TAF3: variants seen among roughly 807,000 people sequenced by gnomAD.
TAF3 encodes the protein TATA-box binding protein associated factor 3, also known as transcription initiation factor TFIID subunit 3.
A neutral mutation model predicts 80.6 loss-of-function variants in TAF3; 7 were observed. The ratio of observed to expected loss-of-function variants is 0.09; its 90% CI spans 0.05 to 0.16. TAF3 has a LOEUF of 0.16. Ranked by LOEUF, TAF3 falls within the 10% of genes least tolerant of loss-of-function variation. TAF3 has a pLI of 1.00. For missense variants in TAF3, 921 were observed against 1,140.2 expected, an observed-to-expected ratio of 0.81 and a Z score of 2.77; for synonymous variants, 444 against 446.1, an observed-to-expected ratio of 1.00 and a Z score of 0.06.
intron 2 of TAF3, among the ~76,000 whole-genome samples, chr10:7,886,467 T>C (rs990351867): frequency 1.3e-5 from 2 of 152,254 alleles, no homozygotes; most frequent in African/African-American, 2.4e-5. Context: ...ACACAAAATA[T>C]ATAATAACCA....
intron 2 of TAF3, among the ~76,000 whole-genome samples, chr10:7,954,875 G>A (rs1473284170): frequency 1.4e-5 from 2 of 142,514 alleles, no homozygotes; most frequent in African/African-American, 2.5e-5. Context: ...GTGAATGAGT[G>A]AATTAGTTCT....
intron 2 of TAF3, among the ~76,000 whole-genome samples, chr10:7,908,739 C>T (rs1429934858): frequency 6.6e-6 from 1 of 152,234 alleles, no homozygotes; most frequent in South Asian, 2.1e-4. Flanking sequence ...CTTCAACAAA[C>T]GTTTACAGGG....
intron 4 of TAF3, among the ~76,000 whole-genome samples, chr10:7,989,210 C>T (rs80012467): frequency 6.6e-6 from 1 of 151,978 alleles, no homozygotes; most frequent in African/African-American, 2.4e-5. Context: ...TGTGGAGACA[C>T]GGTGGCTCTG....
At chr10:7,942,168 G>A (rs1837982359) in intron 2 of TAF3, among the ~76,000 whole-genome samples, 2 of 152,172 alleles carry the variant, frequency 1.3e-5, no homozygotes, top group African/African-American at 4.8e-5. Flanking sequence ...ACATCCCTCT[G>A]TGAGAGCCAG....
At chr10:7,948,591 G>A (rs1437809217) in intron 2 of TAF3, among the ~76,000 whole-genome samples, 1 of 152,032 alleles carries the variant, frequency 6.6e-6, no homozygotes, top group Non-Finnish European at 1.5e-5. Context: ...GCATATGGAT[G>A]GTCTCCTAGT....
chr10:7,952,814 G>A (rs1051176535), intron 2 of TAF3, among the ~76,000 whole-genome samples: 1 of 152,092 alleles, frequency 6.6e-6, no homozygotes, highest in African/African-American at 2.4e-5. Flanking sequence ...TAAGTAAACA[G>A]GTTTATTTTA....
chr10:7,982,133 T>G (rs1396388314), intron 4 of TAF3, among the ~76,000 whole-genome samples: 3 of 152,246 alleles, frequency 2.0e-5, no homozygotes, highest in African/African-American at 7.2e-5. Flanking sequence ...AGAGAAATAA[T>G]AGTAAATGTT....
At chr10:7,879,566 T>A (rs936187152) in intron 2 of TAF3, among the ~76,000 whole-genome samples, 3 of 152,210 alleles carry the variant, frequency 2.0e-5, no homozygotes, top group Non-Finnish European at 4.4e-5. Flanking sequence ...TAAGCCCTAA[T>A]ATGGACTCCT....
At chr10:7,843,641 T>G (rs1007814174) in intron 2 of TAF3, among the ~76,000 whole-genome samples, 1 of 120,088 alleles carries the variant, frequency 8.3e-6, no homozygotes, top group African/African-American at 2.9e-5. Flanking sequence ...TATCTCTTTC[T>G]CACTCTTTTT....
chr10:7,935,958 C>G (rs979961297), intron 2 of TAF3, among the ~76,000 whole-genome samples: 1 of 152,066 alleles, frequency 6.6e-6, no homozygotes, highest in Non-Finnish European at 1.5e-5. Flanking sequence ...AGAGCACTCT[C>G]GAGTCTCATT....
rs1358351625 is a variant in TAF3 at position 7,957,796 on chromosome 10, T to TCTCG, written c.410-6121_410-6120insGCTC. On this transcript the variant is annotated intron_variant, in intron 2 of 6. Coordinates refer to ENST00000344293, the MANE Select transcript of TAF3 (RefSeq NM_031923.4). ...CTGTCTCACGCTCTCTCTAGCGCGC[T>TCTCG]CTCTCTCTCTCTCTCTCTCTCTCTC... Among the ~76,000 whole-genome samples, 426 of 90,768 alleles carry TCTCG rather than the reference T, an allele frequency of 4.7e-3. 3 individuals carry two copies. The highest frequency in any genetic ancestry group is 0.013 in the African/African-American group (347 of 26,960). 59.5% of individuals were successfully genotyped at this position (90,768 alleles called of 152,430 possible). A position where few individuals can be genotyped will look rare whatever the true frequency, so the allele number is the denominator to read the frequency against.
At chr10:7,982,262 C>T (rs1014232708) in intron 4 of TAF3, among the ~76,000 whole-genome samples, 2 of 151,234 alleles carry the variant, frequency 1.3e-5, no homozygotes, top group African/African-American at 4.9e-5. Flanking sequence ...ATAGTACAGT[C>T]GGAAATAGAA....
At position 7,965,734 on chromosome 10, in the gene TAF3, CATGAAA is replaced by C; in HGVS notation, c.2226_2231del (p.His742_Lys744delinsGln). Reference sequence around the variant, plus strand: ...AGAAAAAGAGAAGGAGAAACACAAGCATGAAAAAGTAAGCAGTTTCTCATTTTTGGC... The same window carrying C: ...AGAAAAAGAGAAGGAGAAACACAAGCAAGTAAGCAGTTTCTCATTTTTGGC... On this transcript the variant is annotated inframe_deletion and splice_region_variant, in exon 3 of 7. Transcript: ENST00000344293. The C allele has an allele frequency of 6.5e-7, 1 of 1,533,542 alleles. No homozygotes were observed. The highest frequency in any genetic ancestry group is 1.4e-5 in the South Asian group (1 of 73,434). The allele number at this position is 1,533,542 out of a possible 1,614,324, so 95.0% of individuals were successfully genotyped here.
At chr10:7,912,073 G>T (rs1230693063) in intron 2 of TAF3, among the ~76,000 whole-genome samples, 2 of 152,144 alleles carry the variant, frequency 1.3e-5, no homozygotes, top group Admixed American at 6.5e-5. Context: ...TAGTTTGGGA[G>T]ATATTTTTTA....
intron 2 of TAF3, among the ~76,000 whole-genome samples, chr10:7,930,377 C>CTA (rs1419214010): frequency 1.3e-5 from 2 of 152,112 alleles, no homozygotes; most frequent in Non-Finnish European, 2.9e-5. Flanking sequence ...GTGAGTAATG[C>CTA]TAAATGTCAG....
At chr10:7,954,183 T>C (rs539707930) in intron 2 of TAF3, among the ~76,000 whole-genome samples, 1 of 137,758 alleles carries the variant, frequency 7.3e-6, no homozygotes, top group African/African-American at 2.6e-5. Flanking sequence ...GTGCACTCCA[T>C]ATATGAATGA....
intron 3 of TAF3, among the ~76,000 whole-genome samples, chr10:7,976,974 CAATAT>C (rs1002681527): frequency 6.6e-6 from 1 of 151,986 alleles, no homozygotes; most frequent in African/African-American, 2.4e-5. Context: ...AAAATTTTAA[CAATAT>C]AATTAAGTCC....
At chr10:7,883,932 G>A (rs1390007509) in intron 2 of TAF3, among the ~76,000 whole-genome samples, 1 of 152,158 alleles carries the variant, frequency 6.6e-6, no homozygotes, top group Admixed American at 6.5e-5. Flanking sequence ...GAGTCACCAG[G>A]CAACGCAGGG....
chr10:7,890,332 TG>T (rs1243958317), intron 2 of TAF3, among the ~76,000 whole-genome samples: 3 of 152,220 alleles, frequency 2.0e-5, no homozygotes, highest in African/African-American at 7.2e-5. Flanking sequence ...TGGATGCTCT[TG>T]GTATAGCCCT....
Sources: gnomAD v4.1 joint callset for allele counts (sites outside exome capture counted in the v4.1 genomes callset) on GRCh38, gnomAD v4.1.1 for gene constraint, MANE v1.5 for transcripts, NCBI Gene and HGNC (gene_info 2026-07-23, HGNC 2026-07-21) for gene names.